The following ATP13A4 variants were observed in gnomAD, a reference collection of about 807,000 sequenced individuals.
The protein encoded by ATP13A4 is probable cation-transporting ATPase 13A4.
Under a neutral mutation model 142.5 loss-of-function variants are expected in ATP13A4, and 114 were observed. The observed-to-expected ratio is 0.80, with a 90% CI of 0.69 to 0.93. The LOEUF (loss-of-function observed/expected upper bound fraction) is 0.93. Ranked by LOEUF, ATP13A4 falls within the 40% of genes least tolerant of loss-of-function variation. The probability of loss-of-function intolerance (pLI) is 0.00; values close to 1 mark genes in which losing one functional copy is unlikely to be tolerated. For synonymous variants in ATP13A4, 488 were observed against 514.8 expected (o/e 0.95, Z 0.70); for missense variants, 1,392 against 1,454.0 (o/e 0.96, Z 0.69).
At chr3:193,552,028 C>T (rs543490569) in intron 1 of ATP13A4, among the ~76,000 whole-genome samples, 3 of 152,298 alleles carry the variant, frequency 2.0e-5, no homozygotes, top group South Asian at 4.1e-4. Flanking sequence ...GGCTGGAGTG[C>T]CATGGCGCGA....
chr3:193,399,863 A>AAAC lies in ATP13A4; in HGVS notation c.*2788_*2789insGTT. On this transcript the variant is annotated 3_prime_UTR_variant, in exon 30 of 30. Coordinates refer to ENST00000342695, the MANE Select transcript of ATP13A4 (RefSeq NM_032279.4). The stretch of plus-strand genomic sequence containing the variant: ...TCCATCTCAAAAAAAAAAAAAAAAA[A>AAAC]AAAAGGTTCACATCACAGCATAAGA... 6.6e-6 allele frequency among the ~76,000 whole-genome samples: 1 copy of AAAC among 151,652 alleles called. No homozygotes were observed. The highest frequency in any genetic ancestry group is 3.4e-3 in the Middle Eastern group (1 of 294).
chr3:193,436,770 G>C (rs1018695819), intron 23 of ATP13A4, among the ~76,000 whole-genome samples: 1 of 148,770 alleles, frequency 6.7e-6, no homozygotes, highest in African/African-American at 2.4e-5. Context: ...ACTTCTTTAA[G>C]TTTAAACTCA....
In ATP13A4 at chr3:193,583,253, C is replaced by G. The variant is rs897804172; in HGVS notation, n.92-1347G>C. 3.3e-5 allele frequency among the ~76,000 whole-genome samples: 5 copies of G among 151,292 alleles called. No individual in the cohort carries two copies. In the South Asian group the frequency reaches 1.0e-3, roughly 31 times the overall value. On this transcript the variant is annotated intron_variant and non_coding_transcript_variant, in intron 1 of 3. Transcript: ENST00000489140. The stretch of plus-strand genomic sequence containing the variant: ...TTTGAGACCAGCCTGGCCAACGTGG[C>G]GAAACCCCGTCTCTACTAAAAATAC...
Position 193,484,014 on chromosome 3 carries a change from G to C in ATP13A4, c.739-9C>G, listed in dbSNP as rs371972091. ...TGGAGTTTTACAGATTGCTGAAAAA[G>C]AAGGAAAAATGGAAAAGTCTTATCT... On this transcript the variant is annotated splice_polypyrimidine_tract_variant and intron_variant, in intron 7 of 29. Transcript: ENST00000342695. The C allele has an allele frequency of 3.6e-5, 57 of 1,600,378 alleles. No homozygotes were observed. The highest frequency in any genetic ancestry group is 4.4e-5 in the South Asian group (4 of 90,760).
intron 2 of ATP13A4, among the ~76,000 whole-genome samples, chr3:193,576,937 C>T (rs567329096): frequency 1.6e-4 from 25 of 152,322 alleles, no homozygotes; most frequent in Non-Finnish European, 2.4e-4. Flanking sequence ...CAAAAAGAAG[C>T]AGGACCTCAA....
In ATP13A4 at chr3:193,573,260, C is replaced by CATAT. The variant is rs373692119; in HGVS notation, n.291+8443_291+8446dup. ...GATGAACTTTAACGAATACCACAGC[C>CATAT]ATATATATATATATACATATATATA... On this transcript the variant is annotated intron_variant and non_coding_transcript_variant, in intron 2 of 3. Coordinates refer to the ATP13A4 transcript ENST00000489140. Among the ~76,000 whole-genome samples the CATAT allele has an allele frequency of 7.6e-4, 60 of 79,004 alleles. 1 individual carries two copies. The highest frequency in any genetic ancestry group is 3.1e-3 in the African/African-American group (52 of 16,672). The allele number at this position is 79,004 out of a possible 152,430, so 51.8% of individuals were successfully genotyped here.
At chr3:193,477,107 A>G (rs1299849919) in intron 8 of ATP13A4, among the ~76,000 whole-genome samples, 3 of 152,028 alleles carry the variant, frequency 2.0e-5, no homozygotes, top group Admixed American at 1.3e-4. Context: ...GGGGCAATAA[A>G]ACAAAGCGTG....
chr3:193,578,240 C>T (rs953280610), intron 2 of ATP13A4, among the ~76,000 whole-genome samples: 1 of 152,026 alleles, frequency 6.6e-6, no homozygotes, highest in African/African-American at 2.4e-5. Context: ...TTGCAGTGAG[C>T]CAAGATCACA....
chr3:193,456,899 T>C, intron 16 of ATP13A4, 101 bp downstream of exon 16: 4 of 1,405,722 alleles, frequency 2.8e-6, no homozygotes, highest in Non-Finnish European at 3.9e-6. Context: ...ACCCAATTGG[T>C]GATGACCCAT....
chr3:193,441,377 T>G, intron 20 of ATP13A4, 89 bp downstream of exon 20: 1 of 1,520,114 alleles, frequency 6.6e-7, no homozygotes, highest in Non-Finnish European at 9.1e-7. Context: ...ATTTTACCTG[T>G]CTCAAGATTT....
In ATP13A4 at chr3:193,414,670, CAG is replaced by C. The variant is rs1342486337; in HGVS notation, c.2921_2922del (p.Ser974CysfsTer38). On this transcript the variant is annotated frameshift_variant, in exon 26 of 30. Transcript: ENST00000342695. LOFTEE classifies it high-confidence loss of function. The stretch of plus-strand genomic sequence containing the variant: ...AGGCTGAGAAGAATGTTGAAAATCA[CAG>C]AGAGTAGCAGAGGTGGAGAGATCAG... ...GRLISPPLLL[S>X]VIFNILLSLA... 2 of 1,614,018 alleles carry C rather than the reference CAG, an allele frequency of 1.2e-6. No homozygotes were observed. The highest frequency in any genetic ancestry group is 1.1e-5 in the South Asian group (1 of 91,082).
intron 1 of ATP13A4, 45 bp downstream of exon 1, chr3:193,554,695 G>T: frequency 1.6e-5 from 24 of 1,529,060 alleles, no homozygotes; most frequent in Non-Finnish European, 2.1e-5. Flanking sequence ...TGTCTCGCAG[G>T]CTGAGAAGTG....
intron 1 of ATP13A4, among the ~76,000 whole-genome samples, chr3:193,592,583 G>A (rs1286143597): frequency 6.6e-6 from 1 of 152,200 alleles, no homozygotes; most frequent in Non-Finnish European, 1.5e-5. Context: ...CAACAAACTG[G>A]TGGGCTTAAA....
At chr3:193,429,889 C>G (rs9847109) in intron 25 of ATP13A4, among the ~76,000 whole-genome samples, 6,719 of 151,996 alleles carry the variant, frequency 0.044, 231 homozygotes, top group Non-Finnish European at 0.068. Context: ...AGAAATACAT[C>G]AAAATGCTTT....
intron 1 of ATP13A4, among the ~76,000 whole-genome samples, chr3:193,523,831 G>T (rs891938821): frequency 6.6e-6 from 1 of 152,150 alleles, no homozygotes; most frequent in African/African-American, 2.4e-5. Context: ...GTAGGGGTCT[G>T]GTGCAGGGGC....
At chr3:193,492,385 G>C (rs1189621837) in intron 5 of ATP13A4, among the ~76,000 whole-genome samples, 1 of 152,156 alleles carries the variant, frequency 6.6e-6, no homozygotes, top group Non-Finnish European at 1.5e-5. Flanking sequence ...ACATACCAGT[G>C]CCCTCCCTAA....
rs756581288 is a variant in ATP13A4, at chr3:193,483,923, T to C, written c.808+13A>G. ...ATGTGAATAGCATATAGATCTAAAA[T>C]AATGGAACTTACCTTTTCTCCCACA... is the stretch of plus-strand genomic sequence containing the variant. On this transcript the variant is annotated intron_variant, in intron 8 of 29. Coordinates refer to ENST00000342695, the MANE Select transcript of ATP13A4 (RefSeq NM_032279.4). 1 of 1,561,074 alleles carries C rather than the reference T, an allele frequency of 6.4e-7. No individual in the cohort carries two copies. The highest frequency in any genetic ancestry group is 8.8e-7 in the Non-Finnish European group (1 of 1,131,932).
At chr3:193,521,495 C>T (rs1721713496) in intron 1 of ATP13A4, among the ~76,000 whole-genome samples, 1 of 152,226 alleles carries the variant, frequency 6.6e-6, no homozygotes, top group South Asian at 2.1e-4. Context: ...TAATGCCTTA[C>T]AGGAGTTCCA....
chr3:193,473,929 A>G (rs1459478521), intron 8 of ATP13A4, among the ~76,000 whole-genome samples: 1 of 152,212 alleles, frequency 6.6e-6, no homozygotes, highest in Admixed American at 6.5e-5. Context: ...CTGGCAAAAC[A>G]CGAACGAGGT....
Sources: gnomAD v4.1 joint callset for allele counts (sites outside exome capture counted in the v4.1 genomes callset) on GRCh38, gnomAD v4.1.1 for gene constraint, MANE v1.5 for transcripts, NCBI Gene and HGNC (gene_info 2026-07-23, HGNC 2026-07-21) for gene names.